The following CDC42BPB variants were observed in gnomAD, a reference collection of about 807,000 sequenced individuals.
CDC42BPB encodes the protein serine/threonine-protein kinase MRCK beta.
CDC42BPB carries 37 observed loss-of-function variants against 214.9 expected under a neutral mutation model. That is an observed-to-expected ratio of 0.17 (90% CI 0.13 to 0.23). The LOEUF (loss-of-function observed/expected upper bound fraction) is 0.23. CDC42BPB is among the 10% of genes least tolerant of loss of function. The probability of loss-of-function intolerance (pLI) is 1.00; values close to 1 mark genes in which losing one functional copy is unlikely to be tolerated. For synonymous variants in CDC42BPB, 931 were observed against 884.0 expected, an observed-to-expected ratio of 1.05 and a Z score of -0.94; for missense variants, 1,694 against 2,227.0, an observed-to-expected ratio of 0.76 and a Z score of 4.82.
chr14:102,968,715 A>C lies in CDC42BPB; in HGVS notation c.1997T>G (p.Val666Gly), dbSNP rs540629746. The C allele has an allele frequency of 2.9e-5, 46 of 1,613,474 alleles. No individual in the cohort carries two copies. The South Asian group carries it at 4.6e-4, about 16-fold the overall frequency. Residue 666 changes from valine (V) to glycine (G), a missense_variant and splice_region_variant, in exon 15 of 37, where the codon GTG becomes GGG. By Grantham distance (109) the Val-to-Gly change is moderately radical. Transcript: ENST00000361246. ...QMESELEALK[V>G]KQGGRGAGAT... The stretch of plus-strand genomic sequence containing the variant: ...ACCCGCTCCCCGGCCTCCTTGCTTC[A>C]CCTGAAGACAAAGGTTAACATAAAT...
chr14:102,968,843 C>G, intron 14 of CDC42BPB, 127 bp from the exon 15 acceptor site: 2 of 1,504,804 alleles, frequency 1.3e-6, no homozygotes, highest in South Asian at 2.7e-5. Flanking sequence ...CTGGTCTACA[C>G]CAGATGACGT....
rs1300842919 is a variant in CDC42BPB at position 103,053,556 on chromosome 14, TC to T, written c.175+3442del. ...GGGGGCAGATCACGAGGTCTGGAGA[TC>T]GAGACCATCCTGGCTAACACGGTGA... On this transcript the variant is annotated intron_variant, in intron 1 of 36. Transcript: ENST00000361246. 5.3e-5 allele frequency among the ~76,000 whole-genome samples: 8 copies of T among 151,432 alleles called. No homozygotes were observed. In the East Asian group the frequency reaches 1.4e-3, roughly 26 times the overall value.
intron 12 of CDC42BPB, among the ~76,000 whole-genome samples, chr14:102,972,975 C>A (rs2139479775): frequency 6.6e-6 from 1 of 152,322 alleles, no homozygotes; most frequent in African/African-American, 2.4e-5. Flanking sequence ...CCCTTCAATG[C>A]AGACTGATGT....
rs1891486453 is a variant in CDC42BPB at position 102,933,438 on chromosome 14, T to C, written c.*274A>G. The C allele has an allele frequency of 1.5e-5, 5 of 332,108 alleles. No homozygotes were observed. In the East Asian group the frequency reaches 2.3e-4, roughly 15 times the overall value. The allele number at this position is 332,108 out of a possible 1,614,324, so 20.6% of individuals were successfully genotyped here. A position where few individuals can be genotyped will look rare whatever the true frequency, so the allele number is the denominator to read the frequency against. ...GCAGGGCCCCATATGCCCTCTCGGG[T>C]TGTCAGGGGTGGGAGACAGGCTGTA... On this transcript the variant is annotated 3_prime_UTR_variant, in exon 37 of 37. Coordinates refer to ENST00000361246, the MANE Select transcript of CDC42BPB (RefSeq NM_006035.4).
rs1305233284 is a variant in CDC42BPB at position 103,004,134 on chromosome 14, G to C, written c.352-111C>G. 7.1e-7 allele frequency: 1 copy of C among 1,411,278 alleles called. No individual in the cohort carries two copies. The highest frequency in any genetic ancestry group is 1.4e-5 in the African/African-American group (1 of 69,698). 87.4% of individuals were successfully genotyped at this position (1,411,278 alleles called of 1,614,324 possible). A position where few individuals can be genotyped will look rare whatever the true frequency, so the allele number is the denominator to read the frequency against. On this transcript the variant is annotated intron_variant, in intron 3 of 36. Transcript: ENST00000361246. The surrounding 1 kb of genome is among the most constrained non-coding windows in gnomAD (Gnocchi z 5.3). ...CAGTGGCTCCAGCCACGGTGTCCCTGCCTTCCGGGCTCCTCCTCGTGCACC... is the reference window on the plus strand; with the variant it reads ...CAGTGGCTCCAGCCACGGTGTCCCTCCCTTCCGGGCTCCTCCTCGTGCACC...
At chr14:102,977,683 G>A (rs867882855) in intron 9 of CDC42BPB, among the ~76,000 whole-genome samples, 9 of 152,148 alleles carry the variant, frequency 5.9e-5, no homozygotes, top group East Asian at 3.9e-4. Context: ...TGTGGCCACC[G>A]ACTGGATCAG....
chr14:103,020,363 G>A (rs1286306423), intron 1 of CDC42BPB, among the ~76,000 whole-genome samples: 2 of 152,176 alleles, frequency 1.3e-5, no homozygotes, highest in East Asian at 3.9e-4. Flanking sequence ...TCCTCTCCTT[G>A]TAACCGCCAG....
At chr14:103,040,336 C>G (rs1437003092) in intron 1 of CDC42BPB, among the ~76,000 whole-genome samples, 1 of 151,802 alleles carries the variant, frequency 6.6e-6, no homozygotes, top group Non-Finnish European at 1.5e-5. Context: ...GCCTGGGCGA[C>G]AGAGCAAGAC....
At chr14:102,970,503 A>G in intron 13 of CDC42BPB, 1 of 373,210 alleles carries the variant, frequency 2.7e-6, no homozygotes, top group Non-Finnish European at 3.7e-6. Context: ...ATTTCAAGAA[A>G]GGATACATTT....
intron 36 of CDC42BPB, 198 bp from the exon 37 acceptor site, chr14:102,934,041 C>T (rs988535005): frequency 3.0e-6 from 4 of 1,344,202 alleles, no homozygotes; most frequent in South Asian, 2.0e-5. Context: ...AAATTGATGT[C>T]TAATCCCACT....
At chr14:102,967,485 G>T in intron 16 of CDC42BPB, 2 of 355,194 alleles carry the variant, frequency 5.6e-6, no homozygotes, top group Non-Finnish European at 7.9e-6. Context: ...GTCACGTGTA[G>T]TGAAACAGCA....
chr14:102,996,570 T>C (rs1469676442), intron 5 of CDC42BPB, among the ~76,000 whole-genome samples: 1 of 152,038 alleles, frequency 6.6e-6, no homozygotes, highest in Non-Finnish European at 1.5e-5. Context: ...TCCAGAACTT[T>C]GGGAGGCCGA....
At position 103,055,938 on chromosome 14, in the gene CDC42BPB, T is replaced by C. The variant is rs115703404; in HGVS notation, c.175+1061A>G. Among the ~76,000 whole-genome samples, 914 of 152,368 alleles carry C rather than the reference T, an allele frequency of 6.0e-3. 8 individuals are homozygous for C. Among genetic ancestry groups the C allele is most frequent in the African/African-American group, 0.02 (819 of 41,592 alleles). ...AAATGACCCAAGGATAAGGTTTTCA[T>C]AGGTTTGGCCTGAACATACGCATTT... On this transcript the variant is annotated intron_variant, in intron 1 of 36. Coordinates refer to ENST00000361246, the MANE Select transcript of CDC42BPB (RefSeq NM_006035.4).
At chr14:102,936,625 G>C (rs1039841412) in intron 36 of CDC42BPB, among the ~76,000 whole-genome samples, 1 of 152,176 alleles carries the variant, frequency 6.6e-6, no homozygotes, top group East Asian at 1.9e-4. Context: ...AGTGCTTAAA[G>C]GGCAGGGGGT....
intron 1 of CDC42BPB, among the ~76,000 whole-genome samples, chr14:103,016,566 G>A (rs1160552617): frequency 6.6e-6 from 1 of 151,562 alleles, no homozygotes; most frequent in African/African-American, 2.4e-5. Context: ...GAGGGAACCA[G>A]GTGAGGGAGG....
At chr14:103,032,072 G>C (rs571377408) in intron 1 of CDC42BPB, among the ~76,000 whole-genome samples, 53 of 151,684 alleles carry the variant, frequency 3.5e-4, no homozygotes, top group African/African-American at 1.2e-3. Flanking sequence ...AGCACCAGCC[G>C]GCGGCCAGCC....
At chr14:102,940,363 C>T (rs1356197311) in intron 30 of CDC42BPB, 39 bp from the exon 31 acceptor site, 3 of 1,550,504 alleles carry the variant, frequency 1.9e-6, no homozygotes, top group Admixed American at 2.0e-5. Context: ...GCCACAGTGG[C>T]TCAGGAACTC....
At chr14:103,041,881 T>C in intron 1 of CDC42BPB, 1 of 422,938 alleles carries the variant, frequency 2.4e-6, no homozygotes, top group Non-Finnish European at 4.6e-6. Flanking sequence ...GGGAGACAGT[T>C]CTGCTGAAGA....
chr14:102,940,549 T>C (rs1037867003), intron 30 of CDC42BPB: 1 of 1,261,200 alleles, frequency 7.9e-7, no homozygotes, highest in East Asian at 2.6e-5. Flanking sequence ...ATCACTTCCG[T>C]AACTAATATT....
Sources: gnomAD v4.1 joint callset for allele counts (sites outside exome capture counted in the v4.1 genomes callset) on GRCh38, gnomAD v4.1.1 for gene constraint, Gnocchi (gnomAD v3.1) non-coding constraint, MANE v1.5 for transcripts, NCBI Gene and HGNC (gene_info 2026-07-23, HGNC 2026-07-21) for gene names.